CDH12: variants seen among roughly 807,000 people sequenced by gnomAD.
CDH12 encodes the protein cadherin 12, also known as cadherin-12.
A neutral mutation model predicts 74.1 loss-of-function variants in CDH12; 41 were observed. The observed-to-expected ratio is 0.55, with a 90% CI of 0.43 to 0.72. The LOEUF (loss-of-function observed/expected upper bound fraction) is 0.72, where lower values mean the gene tolerates loss of function less well. Ranked by LOEUF, CDH12 falls within the 30% of genes least tolerant of loss-of-function variation. CDH12 has a pLI of 0.00. For synonymous variants in CDH12, 399 were observed against 355.0 expected, an observed-to-expected ratio of 1.12 and a Z score of -1.39; for missense variants, 945 against 977.2, an observed-to-expected ratio of 0.97 and a Z score of 0.44.
intron 4 of CDH12, among the ~76,000 whole-genome samples, chr5:22,110,342 AT>A (rs1561121175): frequency 1.3e-5 from 2 of 152,208 alleles, no homozygotes; most frequent in East Asian, 3.9e-4. Context: ...CACAAAGACA[AT>A]GGCATGACAG....
chr5:22,637,120 A>G (rs1449575178), intron 1 of CDH12, among the ~76,000 whole-genome samples: 1 of 152,260 alleles, frequency 6.6e-6, no homozygotes, highest in Non-Finnish European at 1.5e-5. Context: ...ACATTCATTA[A>G]TAAACACATT....
At chr5:21,799,003 C>T (rs538359267) in intron 10 of CDH12, among the ~76,000 whole-genome samples, 1 of 152,248 alleles carries the variant, frequency 6.6e-6, no homozygotes, top group African/African-American at 2.4e-5. Flanking sequence ...CAAGGATATT[C>T]TGTTAAAGGT....
At chr5:21,755,041 G>GGAA (rs1331056092) in intron 14 of CDH12, among the ~76,000 whole-genome samples, 1 of 152,182 alleles carries the variant, frequency 6.6e-6, no homozygotes, top group African/African-American at 2.4e-5. Flanking sequence ...GCAAGAAAGT[G>GGAA]GAAGAATTAC....
chr5:22,595,429 A>C (rs1322516818), intron 1 of CDH12, among the ~76,000 whole-genome samples: 2 of 152,204 alleles, frequency 1.3e-5, no homozygotes, highest in Non-Finnish European at 2.9e-5. Context: ...ATGCAAGGTC[A>C]TGATATGCCT....
chr5:21,915,826 G>C (rs1260452770), intron 6 of CDH12, among the ~76,000 whole-genome samples: 31 of 135,250 alleles, frequency 2.3e-4, no homozygotes, highest in African/African-American at 8.5e-4. Flanking sequence ...TTTGTGCTGT[G>C]TGTGTGTGTG....
intron 5 of CDH12, among the ~76,000 whole-genome samples, chr5:22,078,218 A>G (rs1742464766): frequency 6.6e-6 from 1 of 152,146 alleles, no homozygotes; most frequent in Non-Finnish European, 1.5e-5. Flanking sequence ...CGAAATATAT[A>G]CTATTTTCAT....
intron 4 of CDH12, among the ~76,000 whole-genome samples, chr5:22,080,271 A>G (rs1580217195): frequency 6.6e-6 from 1 of 152,320 alleles, no homozygotes; most frequent in Non-Finnish European, 1.5e-5. Context: ...TAATGTAATA[A>G]AAACATTTAA....
chr5:22,622,295 T>G (rs984866829), intron 1 of CDH12, among the ~76,000 whole-genome samples: 1 of 139,722 alleles, frequency 7.2e-6, no homozygotes, highest in Admixed American at 7.3e-5. Flanking sequence ...CATCCCCTAC[T>G]GAAAAATAGG....
intron 1 of CDH12, among the ~76,000 whole-genome samples, chr5:22,739,733 G>A (rs1009297991): frequency 6.6e-6 from 1 of 151,926 alleles, no homozygotes; most frequent in Non-Finnish European, 1.5e-5. Flanking sequence ...CCAGCCCCTG[G>A]CAACCCACAT....
At chr5:22,776,150 G>A (rs573354430) in intron 1 of CDH12, among the ~76,000 whole-genome samples, 1 of 152,166 alleles carries the variant, frequency 6.6e-6, no homozygotes, top group East Asian at 1.9e-4. Flanking sequence ...GTTCAGGAAC[G>A]GTCAGCATGT....
chr5:22,180,093 G>A (rs1337009133), intron 4 of CDH12, among the ~76,000 whole-genome samples: 1 of 152,128 alleles, frequency 6.6e-6, no homozygotes. Context: ...AAGGAACTTG[G>A]ACATTCTTAG....
intron 1 of CDH12, among the ~76,000 whole-genome samples, chr5:22,646,472 G>A (rs1351603958): frequency 6.6e-6 from 1 of 151,720 alleles, no homozygotes; most frequent in African/African-American, 2.4e-5. Flanking sequence ...TGTAACTAAG[G>A]GAACTCAATA....
At chr5:22,403,241 G>T (rs1242547394) in intron 3 of CDH12, among the ~76,000 whole-genome samples, 2 of 152,058 alleles carry the variant, frequency 1.3e-5, no homozygotes, top group Admixed American at 1.3e-4. Context: ...AATTATTATG[G>T]CAATCCTAGG....
chr5:22,797,479 A>T (rs1469104900), intron 1 of CDH12, among the ~76,000 whole-genome samples: 1 of 152,202 alleles, frequency 6.6e-6, no homozygotes, highest in African/African-American at 2.4e-5. Context: ...CTTGTTCTGT[A>T]CTAAGTGGCT....
rs1321440780 is a variant in CDH12 at position 22,801,660 on chromosome 5, TATATATATATATATATATATATATAC to T, written c.-523+51372_-523+51397del. Among the ~76,000 whole-genome samples the T allele has an allele frequency of 8.2e-4, 99 of 120,076 alleles. 1 individual carries two copies. Among genetic ancestry groups the T allele is most frequent in the African/African-American group, 3.2e-3 (80 of 24,916 alleles). 78.8% of individuals were successfully genotyped at this position (120,076 alleles called of 152,430 possible). On this transcript the variant is annotated intron_variant, in intron 1 of 14. Transcript: ENST00000382254. ...TCATATATATATATATATATATATA[TATATATATATATATATATATATATAC>T]ACTTTGTTTAATAGGGAGAACACAT...
At chr5:22,171,265 C>T (rs190448140) in intron 4 of CDH12, among the ~76,000 whole-genome samples, 9 of 151,906 alleles carry the variant, frequency 5.9e-5, no homozygotes, top group Middle Eastern at 3.4e-3. Flanking sequence ...TCCCACTTAC[C>T]ACACAGGAAT....
intron 3 of CDH12, among the ~76,000 whole-genome samples, chr5:22,270,883 C>T (rs2150400103): frequency 6.6e-6 from 1 of 152,066 alleles, no homozygotes; most frequent in Admixed American, 6.6e-5. Context: ...ACCATGTTGG[C>T]CAGGCTAGTC....
At chr5:22,290,333 T>C (rs897225652) in intron 3 of CDH12, among the ~76,000 whole-genome samples, 1 of 151,740 alleles carries the variant, frequency 6.6e-6, no homozygotes, top group Non-Finnish European at 1.5e-5. Flanking sequence ...ACAAAAAAAA[T>C]TGAAAATTAT....
At chr5:22,781,336 C>CA (rs1747373437) in intron 1 of CDH12, among the ~76,000 whole-genome samples, 1 of 152,156 alleles carries the variant, frequency 6.6e-6, no homozygotes. Context: ...TTTTCAGTTT[C>CA]AAAAACAGGA....
Sources: gnomAD v4.1 joint callset for allele counts (sites outside exome capture counted in the v4.1 genomes callset) on GRCh38, gnomAD v4.1.1 for gene constraint, MANE v1.5 for transcripts, NCBI Gene and HGNC (gene_info 2026-07-23, HGNC 2026-07-21) for gene names.